ASTN2: variants seen among roughly 807,000 people sequenced by gnomAD.
The protein encoded by ASTN2 is astrotactin-2.
A neutral mutation model predicts 139.8 loss-of-function variants in ASTN2; 54 were observed. The observed-to-expected ratio is 0.39, with a 90% CI of 0.31 to 0.48. The LOEUF (loss-of-function observed/expected upper bound fraction) is 0.48. Among genes scored for constraint, ASTN2 ranks in the 20% least tolerant of loss-of-function variants. The probability of loss-of-function intolerance (pLI) is 0.95; values close to 1 mark genes in which losing one functional copy is unlikely to be tolerated. For missense variants in ASTN2, 1,565 were observed against 1,725.1 expected (o/e 0.91, Z 1.64); for synonymous variants, 756 against 719.5 (o/e 1.05, Z -0.81).
Position 116,866,829 on chromosome 9 carries a change from G to A in ASTN2, c.1890-3096C>T, listed in dbSNP as rs61201171. The stretch of plus-strand genomic sequence containing the variant: ...AATTGCTTGAACCCAGGAGGCAGAG[G>A]TTGCAGTGAGCCGAGATCGTGCCAC... On this transcript the variant is annotated intron_variant, in intron 10 of 22. Coordinates refer to ENST00000313400, the MANE Select transcript of ASTN2 (RefSeq NM_001365068.1). 2.3e-3 allele frequency among the ~76,000 whole-genome samples: 347 copies of A among 149,052 alleles called. 2 individuals carry two copies. Among genetic ancestry groups the A allele is most frequent in the African/African-American group, 8.0e-3 (325 of 40,514 alleles).
chr9:116,587,202 G>A (rs1238487252), intron 19 of ASTN2, among the ~76,000 whole-genome samples: 4 of 152,050 alleles, frequency 2.6e-5, no homozygotes, highest in Non-Finnish European at 5.9e-5. Context: ...CTAGCTGGGT[G>A]TGGTGACGCA....
intron 1 of ASTN2, among the ~76,000 whole-genome samples, chr9:117,409,837 C>T (rs556724838): frequency 6.6e-6 from 1 of 152,302 alleles, no homozygotes; most frequent in East Asian, 1.9e-4. Flanking sequence ...ACTCCCTTCT[C>T]CCAACCATTC....
chr9:117,221,594 T>A (rs1387726104), intron 2 of ASTN2, among the ~76,000 whole-genome samples: 2 of 151,724 alleles, frequency 1.3e-5, no homozygotes, highest in Non-Finnish European at 2.9e-5. Context: ...TCCTCAGAGC[T>A]GTGAACATGC....
At chr9:116,855,403 C>T (rs139340474) in intron 11 of ASTN2, among the ~76,000 whole-genome samples, 59 of 152,240 alleles carry the variant, frequency 3.9e-4, no homozygotes, top group African/African-American at 1.3e-3. Context: ...GGACACAGTA[C>T]AGTTCCAATT....
At chr9:116,790,113 A>G (rs552237806) in intron 13 of ASTN2, among the ~76,000 whole-genome samples, 95 of 151,788 alleles carry the variant, frequency 6.3e-4, no homozygotes, top group African/African-American at 2.2e-3. Flanking sequence ...TTTAGTAAAG[A>G]CTGGGTTTCA....
intron 11 of ASTN2, among the ~76,000 whole-genome samples, chr9:116,833,729 T>G (rs1564292747): frequency 6.6e-6 from 1 of 152,204 alleles, no homozygotes; most frequent in East Asian, 1.9e-4. Flanking sequence ...TTTGAAGATT[T>G]TTCTGTTATA....
At chr9:116,658,779 G>GGAA (rs1858386122) in intron 16 of ASTN2, among the ~76,000 whole-genome samples, 1 of 146,470 alleles carries the variant, frequency 6.8e-6, no homozygotes, top group South Asian at 2.3e-4. Context: ...TGAAAGAAGG[G>GGAA]GAAGAAGAGG....
intron 3 of ASTN2, among the ~76,000 whole-genome samples, chr9:117,176,578 G>GA (rs940075049): frequency 9.3e-5 from 14 of 150,900 alleles, no homozygotes; most frequent in Middle Eastern, 3.4e-3. Context: ...TTTAATTGAA[G>GA]AAAAAAAAAG....
At chr9:116,929,755 C>T (rs1361359134) in intron 10 of ASTN2, among the ~76,000 whole-genome samples, 1 of 152,212 alleles carries the variant, frequency 6.6e-6, no homozygotes, top group African/African-American at 2.4e-5. Flanking sequence ...TAAACCTATA[C>T]TGTTAATAAT....
At chr9:116,955,638 C>G (rs1425895404) in intron 10 of ASTN2, among the ~76,000 whole-genome samples, 1 of 152,308 alleles carries the variant, frequency 6.6e-6, no homozygotes, top group East Asian at 1.9e-4. Context: ...GAAAAATTAC[C>G]AGCTTTGGAT....
intron 1 of ASTN2, among the ~76,000 whole-genome samples, chr9:117,384,053 G>T (rs1234412135): frequency 2.0e-5 from 3 of 152,156 alleles, no homozygotes; most frequent in Non-Finnish European, 4.4e-5. Flanking sequence ...CTGGGATCTG[G>T]CTTCAGCAGC....
chr9:117,137,262 T>G (rs553786337), intron 4 of ASTN2, among the ~76,000 whole-genome samples: 1 of 152,330 alleles, frequency 6.6e-6, no homozygotes, highest in Admixed American at 6.5e-5. Flanking sequence ...TGGAGCTGCT[T>G]TTAACCATGT....
In ASTN2 at chr9:116,944,517, C is replaced by T. The variant is rs188250902; in HGVS notation, c.1889+30691G>A. On this transcript the variant is annotated intron_variant, in intron 10 of 22. Transcript: ENST00000313400. ...CCAACATGGGGAAATCCTGCCTCTA[C>T]TAAAAATACAAAAATTGGCTGGGCA... Among the ~76,000 whole-genome samples the T allele has an allele frequency of 1.8e-3, 266 of 151,764 alleles. 6 individuals are homozygous for T. Among genetic ancestry groups the T allele is most frequent in the Admixed American group, 0.016 (238 of 15,226 alleles).
At position 116,805,868 on chromosome 9, in the gene ASTN2, C is replaced by G. The variant is rs182819640; in HGVS notation, c.2208-48G>C. 1.0e-3 allele frequency: 1,597 copies of G among 1,585,266 alleles called. 13 individuals are homozygous for G. In the Middle Eastern group the frequency reaches 0.012, roughly 12 times the overall value. On this transcript the variant is annotated intron_variant, in intron 12 of 22. Transcript: ENST00000313400. ...GAATTAGCTTCACATCCTGAATGCC[C>G]CCATTGGGGGTGACCTAAAACCAAG...
chr9:116,634,224 A>C (rs190877267), intron 17 of ASTN2, among the ~76,000 whole-genome samples: 2 of 152,336 alleles, frequency 1.3e-5, no homozygotes. Flanking sequence ...ATATCCACAT[A>C]TACTTGATAA....
At chr9:117,276,291 C>T (rs951711505) in intron 2 of ASTN2, among the ~76,000 whole-genome samples, 8 of 152,180 alleles carry the variant, frequency 5.3e-5, no homozygotes, top group Admixed American at 3.3e-4. Flanking sequence ...CAAGATCACA[C>T]GGTTATCAAA....
At chr9:116,994,684 T>C (rs546283312) in intron 7 of ASTN2, among the ~76,000 whole-genome samples, 11 of 152,236 alleles carry the variant, frequency 7.2e-5, no homozygotes, top group Non-Finnish European at 1.5e-4. Flanking sequence ...TGGCCAATAA[T>C]GGCTAACAGC....
At chr9:117,243,498 A>T (rs1444594074) in intron 2 of ASTN2, among the ~76,000 whole-genome samples, 1 of 152,214 alleles carries the variant, frequency 6.6e-6, no homozygotes, top group African/African-American at 2.4e-5. Flanking sequence ...ACCATTAATA[A>T]TCCTGGAAGT....
At chr9:116,874,955 C>T (rs1004548951) in intron 10 of ASTN2, among the ~76,000 whole-genome samples, 1 of 152,076 alleles carries the variant, frequency 6.6e-6, no homozygotes, top group Non-Finnish European at 1.5e-5. Flanking sequence ...TCATTGCGCT[C>T]ATATAAAGCG....
Sources: gnomAD v4.1 joint callset for allele counts (sites outside exome capture counted in the v4.1 genomes callset) on GRCh38, gnomAD v4.1.1 for gene constraint, MANE v1.5 for transcripts, NCBI Gene and HGNC (gene_info 2026-07-23, HGNC 2026-07-21) for gene names.